Variants in PKNOX2 observed in about 807,000 individuals in gnomAD.
The protein encoded by PKNOX2 is homeobox protein PKNOX2.
PKNOX2 carries 14 observed loss-of-function variants against 53.1 expected under a neutral mutation model. The observed-to-expected ratio is 0.26, with a 90% CI of 0.17 to 0.41. The LOEUF (loss-of-function observed/expected upper bound fraction) is 0.41. PKNOX2 is among the 10% of genes least tolerant of loss of function. The pLI is 1.00. For synonymous variants in PKNOX2, 257 were observed against 242.8 expected (o/e 1.06, Z -0.54); for missense variants, 496 against 602.8 (o/e 0.82, Z 1.85).
At chr11:125,392,679 G>A (rs1157680624) in intron 6 of PKNOX2, among the ~76,000 whole-genome samples, 4 of 152,066 alleles carry the variant, frequency 2.6e-5, no homozygotes, top group Non-Finnish European at 5.9e-5. Context: ...ATTTTATAAA[G>A]TAAGTATAAA....
chr11:125,202,705 G>A (rs545217487), intron 1 of PKNOX2, among the ~76,000 whole-genome samples: 3 of 152,222 alleles, frequency 2.0e-5, no homozygotes, highest in East Asian at 1.9e-4. Context: ...TTAGGGCTCT[G>A]GGGAGGCTGT....
At chr11:125,303,109 C>T (rs1325896335) in intron 2 of PKNOX2, among the ~76,000 whole-genome samples, 1 of 152,216 alleles carries the variant, frequency 6.6e-6, no homozygotes, top group Non-Finnish European at 1.5e-5. Context: ...GGAAAATTCC[C>T]ATCACACAGA....
chr11:125,200,939 T>G (rs924579420), intron 1 of PKNOX2, among the ~76,000 whole-genome samples: 19 of 152,344 alleles, frequency 1.2e-4, no homozygotes, highest in African/African-American at 4.6e-4. Flanking sequence ...CTCTGCCTTT[T>G]GTACACTGCA....
intron 2 of PKNOX2, among the ~76,000 whole-genome samples, chr11:125,306,234 T>A (rs1051076702): frequency 1.3e-5 from 2 of 151,118 alleles, no homozygotes; most frequent in African/African-American, 4.9e-5. Context: ...TGGGTCTGCC[T>A]CAGTAGGCCC....
At chr11:125,385,749 G>A (rs544804240) in intron 6 of PKNOX2, 27 bp downstream of exon 6, 1 of 1,605,394 alleles carries the variant, frequency 6.2e-7, no homozygotes, top group African/African-American at 1.3e-5. Flanking sequence ...CTCTACCCTG[G>A]CTAGAGTCTT....
At chr11:125,286,778 C>T (rs1458395737) in intron 2 of PKNOX2, among the ~76,000 whole-genome samples, 1 of 152,230 alleles carries the variant, frequency 6.6e-6, no homozygotes, top group Non-Finnish European at 1.5e-5. Context: ...CATCTGCAGC[C>T]GTGGACCTTG....
chr11:125,288,838 C>T (rs1462251587), intron 2 of PKNOX2, among the ~76,000 whole-genome samples: 1 of 152,210 alleles, frequency 6.6e-6, no homozygotes, highest in Non-Finnish European at 1.5e-5. Flanking sequence ...TCTGAATCTG[C>T]ATTTTAGTGA....
chr11:125,380,349 A>G lies in PKNOX2; in HGVS notation c.228-5202A>G, dbSNP rs111624776. On this transcript the variant is annotated intron_variant, in intron 5 of 12. Coordinates refer to ENST00000298282, the MANE Select transcript of PKNOX2 (RefSeq NM_001382323.2). ...GCTCAAACGCTCACTGAATTAGTGC[A>G]GAGAGATTTATTTCCTCCAAATTTT... Among the ~76,000 whole-genome samples, 428 of 151,892 alleles carry G rather than the reference A, an allele frequency of 2.8e-3. 2 individuals are homozygous for G. Among genetic ancestry groups the G allele is most frequent in the African/African-American group, 9.7e-3 (400 of 41,436 alleles).
At chr11:125,234,126 C>A (rs1379213579) in intron 1 of PKNOX2, among the ~76,000 whole-genome samples, 3 of 152,224 alleles carry the variant, frequency 2.0e-5, no homozygotes, top group Admixed American at 6.5e-5. Flanking sequence ...TCTGTCCAGT[C>A]CGCCAAGATC....
chr11:125,416,919 GTA>G (rs1481096316), intron 10 of PKNOX2, among the ~76,000 whole-genome samples: 1 of 152,032 alleles, frequency 6.6e-6, no homozygotes, highest in African/African-American at 2.4e-5. Flanking sequence ...CTACAGGAAA[GTA>G]TTCAGATGAT....
intron 2 of PKNOX2, among the ~76,000 whole-genome samples, chr11:125,328,302 T>A (rs912117261): frequency 4.0e-5 from 6 of 150,546 alleles, no homozygotes; most frequent in African/African-American, 1.5e-4. Flanking sequence ...CCCACTAGAC[T>A]GTAAACACCT....
intron 1 of PKNOX2, among the ~76,000 whole-genome samples, chr11:125,172,746 G>A (rs368673478): frequency 2.0e-5 from 3 of 152,150 alleles, no homozygotes; most frequent in South Asian, 2.1e-4. Context: ...TAAAACCACC[G>A]CCACCGCCAC....
rs543284357 is a variant in PKNOX2, at chr11:125,330,556, A to G, written c.-129-1263A>G. 2.6e-5 allele frequency among the ~76,000 whole-genome samples: 4 copies of G among 152,166 alleles called. No homozygotes were observed. The South Asian group carries it at 8.3e-4, about 32-fold the overall frequency. On this transcript the variant is annotated intron_variant, in intron 2 of 12. Coordinates refer to ENST00000298282, the MANE Select transcript of PKNOX2 (RefSeq NM_001382323.2). ...TGGAAATTCACAAACCACCCTGCTTATCCTTGCTTCCTTCAGCTCATCCCA... is the reference window on the plus strand; with the variant it reads ...TGGAAATTCACAAACCACCCTGCTTGTCCTTGCTTCCTTCAGCTCATCCCA...
intron 2 of PKNOX2, among the ~76,000 whole-genome samples, chr11:125,248,416 CAG>C (rs1194799412): frequency 2.0e-5 from 3 of 152,140 alleles, no homozygotes. Flanking sequence ...GCCTCCAAAA[CAG>C]AGTAAACAAG....
At chr11:125,177,787 T>G (rs1242124241) in intron 1 of PKNOX2, among the ~76,000 whole-genome samples, 3 of 152,112 alleles carry the variant, frequency 2.0e-5, no homozygotes, top group East Asian at 1.9e-4. Context: ...CTAGAATGGC[T>G]GACTAAGGAT....
rs565757262 is a variant in PKNOX2, at chr11:125,279,293, C to T, written c.-130+44178C>T. 4.6e-5 allele frequency among the ~76,000 whole-genome samples: 7 copies of T among 152,274 alleles called. No individual in the cohort carries two copies. In the East Asian group the frequency reaches 9.7e-4, roughly 21 times the overall value. On this transcript the variant is annotated intron_variant, in intron 2 of 12. Transcript: ENST00000298282. ...CTCCTGGAGGGGGCTTCTGTCTGAC[C>T]GAATGATTGAATCATTTACCAAGTA...
intron 9 of PKNOX2, 167 bp from the exon 10 acceptor site, chr11:125,411,579 C>T (rs1291841563): frequency 2.0e-6 from 2 of 1,002,836 alleles, no homozygotes; most frequent in East Asian, 2.8e-5. Flanking sequence ...CACCTCCACT[C>T]TCTGAGGGGC....
chr11:125,301,950 G>T (rs1948100043), intron 2 of PKNOX2, among the ~76,000 whole-genome samples: 2 of 152,242 alleles, frequency 1.3e-5, no homozygotes, highest in South Asian at 2.1e-4. Flanking sequence ...AAAGTTCGGG[G>T]CATGGTCCCT....
At chr11:125,275,134 T>C (rs1226201446) in intron 2 of PKNOX2, among the ~76,000 whole-genome samples, 2 of 151,850 alleles carry the variant, frequency 1.3e-5, no homozygotes, top group African/African-American at 2.4e-5. Flanking sequence ...AATAAGAAAA[T>C]GTTAGGTCCT....
Sources: allele counts gnomAD v4.1 joint callset (sites outside exome capture counted in the v4.1 genomes callset), GRCh38; gene constraint gnomAD v4.1.1; transcripts MANE v1.5; gene names NCBI Gene and HGNC (gene_info 2026-07-23, HGNC 2026-07-21).